KLC2: variants seen among roughly 807,000 people sequenced by gnomAD.
KLC2 encodes the protein KLC 2.
In KLC2, 35 loss-of-function variants were observed where a neutral mutation model predicts 75.1. The observed-to-expected ratio is 0.47, with a 90% CI of 0.36 to 0.62. The LOEUF (loss-of-function observed/expected upper bound fraction) is 0.62, where lower values mean the gene tolerates loss of function less well. Among genes scored for constraint, KLC2 ranks in the 20% least tolerant of loss-of-function variants. KLC2 has a pLI of 0.00. For synonymous variants in KLC2, 314 were observed against 336.7 expected (o/e 0.93, Z 0.74); for missense variants, 611 against 833.2 (o/e 0.73, Z 3.28).
chr11:66,263,079 C>T (rs202132011), intron 5 of KLC2, 43 bp downstream of exon 5: 216 of 1,467,538 alleles, frequency 1.5e-4, no homozygotes, highest in African/African-American at 1.3e-3. Context: ...TGGAAGGCTC[C>T]AGCCCTGGAT....
chr11:66,264,664 G>T, intron 9 of KLC2: 1 of 591,648 alleles, frequency 1.7e-6, no homozygotes, highest in Non-Finnish European at 3.0e-6. Context: ...GGCCTCACAC[G>T]CCTTTGCATC....
chr11:66,264,267 G>A, intron 8 of KLC2, 48 bp downstream of exon 8: 1 of 1,564,390 alleles, frequency 6.4e-7, no homozygotes, highest in Non-Finnish European at 8.7e-7. Context: ...AGGGAGGCAG[G>A]GATGAGGTTG....
At chr11:66,249,154 AT>A in the KLC2 span, among the ~76,000 whole-genome samples, 2 of 151,970 alleles carry the variant, frequency 1.3e-5, no homozygotes, top group African/African-American at 4.8e-5. Flanking sequence ...TCAGTTGGGG[AT>A]TGTCTGATGT....
At chr11:66,245,501 A>G in the KLC2 span, among the ~76,000 whole-genome samples, 10 of 152,146 alleles carry the variant, frequency 6.6e-5, no homozygotes, top group Non-Finnish European at 8.8e-5. Context: ...GTGGATCATG[A>G]GGTCAGGAGA....
chr11:66,266,302 A>C, intron 14 of KLC2, 85 bp downstream of exon 14: 3 of 1,510,284 alleles, frequency 2.0e-6, no homozygotes, highest in East Asian at 2.3e-5. Context: ...CACTGACCCC[A>C]GGCAACCTCC....
Position 66,266,509 on chromosome 11 carries a change from C to T in KLC2, c.1785+19C>T. 1 of 1,612,460 alleles carries T rather than the reference C, an allele frequency of 6.2e-7. No individual in the cohort carries two copies. The highest frequency in any genetic ancestry group is 8.5e-7 in the Non-Finnish European group (1 of 1,178,528). On this transcript the variant is annotated intron_variant, in intron 15 of 15. Transcript: ENST00000394067. Reference sequence around the variant, plus strand: ...GACCCAGGTAGGGGCAGGCGGGTGTCTGGGCACTGGGCAGCTGCGGCCGGG... The same window carrying T: ...GACCCAGGTAGGGGCAGGCGGGTGTTTGGGCACTGGGCAGCTGCGGCCGGG...
the KLC2 span, among the ~76,000 whole-genome samples, chr11:66,248,912 GT>G: frequency 6.6e-6 from 1 of 151,454 alleles, no homozygotes; most frequent in Admixed American, 6.6e-5. Flanking sequence ...GTTTTGTTTT[GT>G]TTTCTTTCGT....
chr11:66,248,521 G>A, the KLC2 span, among the ~76,000 whole-genome samples: 1 of 152,144 alleles, frequency 6.6e-6, no homozygotes, highest in East Asian at 1.9e-4. Context: ...GGAGGCTGAG[G>A]CAAGAAAATC....
At chr11:66,263,612 G>A (rs1565172528) in intron 5 of KLC2, 48 bp from the exon 6 acceptor site, 7 of 1,297,620 alleles carry the variant, frequency 5.4e-6, no homozygotes, top group Non-Finnish European at 7.8e-6. Flanking sequence ...CATTGGGGAG[G>A]GCCTTGAGCT....
intron 15 of KLC2, 174 bp downstream of exon 15, chr11:66,266,664 T>C (rs1261333520): frequency 1.2e-6 from 1 of 856,372 alleles, no homozygotes; most frequent in South Asian, 1.4e-5. Context: ...CTCCTGGGGG[T>C]GGACGTGTAA....
intron 9 of KLC2, 124 bp downstream of exon 9, chr11:66,264,568 C>A: frequency 1.4e-6 from 1 of 739,152 alleles, no homozygotes; most frequent in Non-Finnish European, 2.4e-6. Context: ...TCACCAGCCT[C>A]ACCCTCAGAT....
Position 66,262,201 on chromosome 11 carries a change from GGGCAGTTCT to G in KLC2, c.529+12_529+20del. 6.2e-7 allele frequency: 1 copy of G among 1,611,520 alleles called. No individual in the cohort carries two copies. The highest frequency in any genetic ancestry group is 8.5e-7 in the Non-Finnish European group (1 of 1,178,298). The stretch of plus-strand genomic sequence containing the variant: ...GGATGAGCAGAGCCCAGGTGCGGAT[GGGCAGTTCT>G]GGAGTGGGGGAAGGAAAGGTTGTGT... On this transcript the variant is annotated intron_variant, in intron 4 of 15. Transcript: ENST00000394067.
Position 66,266,074 on chromosome 11 carries a change from C to G in KLC2, c.1603-19C>G. ...CTAGGTGGCCAGCGGGGCCTAGAGG[C>G]AAGCCTGTCCACCTGCAGGATGGCA... On this transcript the variant is annotated intron_variant, in intron 13 of 15. Coordinates refer to ENST00000394067, the MANE Select transcript of KLC2 (RefSeq NM_001318734.2). 1.2e-6 allele frequency: 2 copies of G among 1,613,996 alleles called. No homozygotes were observed. Among genetic ancestry groups the G allele is most frequent in the Non-Finnish European group, 1.7e-6 (2 of 1,179,924 alleles).
rs556408432 is a variant in KLC2 at position 66,264,093 on chromosome 11, G to A, written c.990G>A (p.Leu330=). The A allele has an allele frequency of 5.3e-5, 85 of 1,605,830 alleles. No homozygotes were observed. The highest frequency in any genetic ancestry group is 2.8e-4 in the South Asian group (25 of 90,166). ...HPDVAKQLSN[L]ALLCQNQGKA... ...ATGTGGCCAAGCAGCTCAGCAACCTGGCCCTGCTGTGCCAGAACCAGGGCA... is the reference window on the plus strand; with the variant it reads ...ATGTGGCCAAGCAGCTCAGCAACCTAGCCCTGCTGTGCCAGAACCAGGGCA... The change falls in exon 8 of 16, where the codon CTG becomes CTA. Residue 330 remains leucine, a synonymous_variant. Transcript: ENST00000394067.
rs1423555798 is a variant in KLC2 at position 66,263,654 on chromosome 11, T to G, written c.753-6T>G. The G allele has an allele frequency of 6.2e-7, 1 of 1,610,328 alleles. No individual in the cohort carries two copies. Among genetic ancestry groups the G allele is most frequent in the South Asian group, 1.1e-5 (1 of 90,980 alleles). ...CAGCCCTGACCATGCTCCTACCTGC[T>G]CCCAGGGATCAGAACAAGTACAAGG... On this transcript the variant is annotated splice_polypyrimidine_tract_variant and splice_region_variant and intron_variant, in intron 5 of 15. Transcript: ENST00000394067.
the KLC2 span, among the ~76,000 whole-genome samples, chr11:66,251,920 G>T: frequency 6.6e-6 from 1 of 152,222 alleles, no homozygotes; most frequent in Non-Finnish European, 1.5e-5. Flanking sequence ...GGACTGATCT[G>T]GGCCAGAGAT....
chr11:66,255,292 C>T (rs1396311580), upstream of KLC2, among the ~76,000 whole-genome samples: 2 of 152,208 alleles, frequency 1.3e-5, no homozygotes, highest in African/African-American at 4.8e-5. Flanking sequence ...CTGGCTTGAG[C>T]CATCCTCCCA....
rs779755003 is a variant in KLC2, at chr11:66,266,185, G to A, written c.1695G>A (p.Gln565=). The stretch of plus-strand genomic sequence containing the variant: ...GTGAGATGCTGGTAAAGAAGCTGCA[G>A]GGGGGCACCCCCCAGGAGCCCCCTA... ...RSSEMLVKKL[Q]GGTPQEPPNP... is the part of the protein sequence containing the mutation. Residue 565 remains glutamine, a synonymous_variant, in exon 14 of 16, where the codon CAG becomes CAA. Transcript: ENST00000394067. 1 of 1,610,968 alleles carries A rather than the reference G, an allele frequency of 6.2e-7. No individual in the cohort carries two copies. The highest frequency in any genetic ancestry group is 1.1e-5 in the South Asian group (1 of 90,932).
At chr11:66,264,484 C>A in intron 9 of KLC2, 40 bp downstream of exon 9, 1 of 1,406,856 alleles carries the variant, frequency 7.1e-7, no homozygotes, top group Non-Finnish European at 1.0e-6. Flanking sequence ...CCCATCCATC[C>A]CAGGCCCACT....
Sources: gnomAD v4.1 joint callset for allele counts (sites outside exome capture counted in the v4.1 genomes callset) on GRCh38, gnomAD v4.1.1 for gene constraint, MANE v1.5 for transcripts, NCBI Gene and HGNC (gene_info 2026-07-23, HGNC 2026-07-21) for gene names.